SLC12A2: variants seen among roughly 807,000 people sequenced by gnomAD.
SLC12A2 encodes solute carrier family 12 member 2.
In SLC12A2, 67 loss-of-function variants were observed where a neutral mutation model predicts 136.3. That is an observed-to-expected ratio of 0.49 (90% CI 0.40 to 0.60). SLC12A2 has a LOEUF of 0.60. SLC12A2 is among the 20% of genes least tolerant of loss of function. SLC12A2 has a pLI of 0.00. For missense variants in SLC12A2, 1,322 were observed against 1,534.7 expected, an observed-to-expected ratio of 0.86 and a Z score of 2.32; for synonymous variants, 619 against 562.9, an observed-to-expected ratio of 1.10 and a Z score of -1.41.
intron 1 of SLC12A2, among the ~76,000 whole-genome samples, chr5:128,109,207 G>A (rs1174677879): frequency 1.3e-5 from 2 of 152,246 alleles, no homozygotes; most frequent in African/African-American, 4.8e-5. Flanking sequence ...ACTTAATTAA[G>A]TTCATCATTG....
rs748694506 is a variant in SLC12A2 at position 128,171,709 on chromosome 5, A to G, written c.2766A>G (p.Leu922=). 7.5e-6 allele frequency: 12 copies of G among 1,590,126 alleles called. No individual in the cohort carries two copies. Among genetic ancestry groups the G allele is most frequent in the African/African-American group, 6.9e-5 (5 of 72,928 alleles). The change falls in exon 19 of 27, where the codon CTA becomes CTG. Residue 922 remains leucine, a synonymous_variant. Coordinates refer to ENST00000262461, the MANE Select transcript of SLC12A2 (RefSeq NM_001046.3). ...DIQYGVVVIR[L]KEGLDISHLQ... ...AATATGGAGTAGTGGTTATTCGCCT[A>G]AAAGAAGGTCTGGATATATCTCATC...
intron 4 of SLC12A2, among the ~76,000 whole-genome samples, chr5:128,127,286 T>C (rs1761848838): frequency 6.6e-6 from 1 of 151,622 alleles, no homozygotes; most frequent in Non-Finnish European, 1.5e-5. Flanking sequence ...CACGCCCAGC[T>C]AATTTTTTGT....
intron 12 of SLC12A2, among the ~76,000 whole-genome samples, chr5:128,149,420 T>G (rs1282739756): frequency 1.3e-5 from 2 of 151,794 alleles, no homozygotes; most frequent in African/African-American, 4.8e-5. Flanking sequence ...CGTAAACTTT[T>G]CTGTGATCAA....
intron 18 of SLC12A2, chr5:128,169,667 G>A (rs1763308660): frequency 6.6e-6 from 1 of 152,120 alleles, no homozygotes; most frequent in Non-Finnish European, 1.5e-5. Flanking sequence ...ATTAGGGACA[G>A]AAAGATTAAT....
rs773601063 is a variant in SLC12A2 at position 128,167,784 on chromosome 5, G to A, written c.2640G>A (p.Lys880=). The A allele has an allele frequency of 1.9e-6, 3 of 1,609,412 alleles. No individual in the cohort carries two copies. The South Asian group carries it at 3.3e-5, about 18-fold the overall frequency. Residue 880 remains lysine, a synonymous_variant, in exon 18 of 27, where the codon AAG becomes AAA. Coordinates refer to ENST00000262461, the MANE Select transcript of SLC12A2 (RefSeq NM_001046.3). The stretch of plus-strand genomic sequence containing the variant: ...AGGCTGCTGGTCTTGGTCGTATGAA[G>A]CCAAACACACTTGTCCTTGGATTTA... ...LMQAAGLGRM[K]PNTLVLGFKK... is the part of the protein sequence containing the mutation.
Position 128,084,112 on chromosome 5 carries a change from G to T in SLC12A2, c.158G>T (p.Gly53Val), listed in dbSNP as rs754652461. The T allele has an allele frequency of 2.3e-6, 3 of 1,308,716 alleles. No individual in the cohort carries two copies. The highest frequency in any genetic ancestry group is 2.9e-6 in the Non-Finnish European group (3 of 1,033,290). The allele number at this position is 1,308,716 out of a possible 1,614,324, so 81.1% of individuals were successfully genotyped here. ...GATGCTGCGCCCGCGAGCCGGGACG[G>T]CGGCGGGGTCCGCGATGAGGGCCCC... ...PEDAAPASRD[G>V]GGVRDEGPAA... Residue 53 changes from glycine (G) to valine (V), a missense_variant, in exon 1 of 27, where the codon GGC (glycine) becomes GTC (valine). By Grantham distance (109) the Gly-to-Val change is moderately radical (BLOSUM62 -3). This residue lies in a region of SLC12A2 where 358 missense variants were observed against 299.7 expected (regional missense o/e 1.19). Transcript: ENST00000262461. The surrounding 1 kb of genome is among the most constrained non-coding windows in gnomAD (Gnocchi z 5.6).
At chr5:128,090,696 T>G (rs143336481) in intron 1 of SLC12A2, among the ~76,000 whole-genome samples, 41 of 152,254 alleles carry the variant, frequency 2.7e-4, no homozygotes, top group Non-Finnish European at 4.9e-4. Context: ...ACCTCTGATA[T>G]GTGAGCAGGC....
Position 128,084,098 on chromosome 5 carries a change from C to A in SLC12A2, c.144C>A (p.Pro48=). 1 of 1,314,386 alleles carries A rather than the reference C, an allele frequency of 7.6e-7. No homozygotes were observed. Among genetic ancestry groups the A allele is most frequent in the Admixed American group, 3.6e-5 (1 of 27,626 alleles). 81.4% of individuals were successfully genotyped at this position (1,314,386 alleles called of 1,614,324 possible). The change falls in exon 1 of 27, where the codon CCC becomes CCA. Residue 48 remains proline (P), a synonymous_variant. Transcript: ENST00000262461. The surrounding 1 kb of genome is among the most constrained non-coding windows in gnomAD (Gnocchi z 5.6). The part of the protein sequence containing the change: ...AVPSVPEDAA[P]ASRDGGGVRD... ...CCTCGGTGCCGGAGGATGCTGCGCC[C>A]GCGAGCCGGGACGGCGGCGGGGTCC...
intron 26 of SLC12A2, 112 bp from the exon 27 acceptor site, chr5:128,186,384 A>G (rs1763868600): frequency 7.9e-6 from 8 of 1,009,692 alleles, no homozygotes; most frequent in Non-Finnish European, 1.0e-5. Context: ...CTGTAATTAT[A>G]GTAATTTACA....
At chr5:128,134,515 T>A (rs976955719) in intron 6 of SLC12A2, among the ~76,000 whole-genome samples, 1 of 152,052 alleles carries the variant, frequency 6.6e-6, no homozygotes, top group African/African-American at 2.4e-5. Context: ...TTTCCCGCCT[T>A]CTCGCCCATC....
chr5:128,162,801 A>G (rs1254650072), intron 17 of SLC12A2, among the ~76,000 whole-genome samples: 1 of 152,222 alleles, frequency 6.6e-6, no homozygotes, highest in Non-Finnish European at 1.5e-5. Flanking sequence ...GACTGACCCA[A>G]AATTAAGTCT....
intron 17 of SLC12A2, among the ~76,000 whole-genome samples, chr5:128,166,432 G>A (rs189046882): frequency 1.4e-4 from 21 of 151,802 alleles, no homozygotes; most frequent in African/African-American, 4.3e-4. Flanking sequence ...AAACAAAAGC[G>A]TCTCCCAACA....
At chr5:128,097,027 A>T (rs1335856601) in intron 1 of SLC12A2, among the ~76,000 whole-genome samples, 1 of 152,084 alleles carries the variant, frequency 6.6e-6, no homozygotes, top group East Asian at 1.9e-4. Context: ...AAATCTCAAT[A>T]CAAAAAAAGA....
At chr5:128,110,791 A>G (rs973021457) in intron 1 of SLC12A2, 1 of 1,478,256 alleles carries the variant, frequency 6.8e-7, no homozygotes, top group Non-Finnish European at 9.4e-7. Context: ...GGCCAAAAAG[A>G]TAGCAAAAGC....
intron 18 of SLC12A2, chr5:128,169,561 G>C (rs1763305142): frequency 6.6e-6 from 1 of 152,024 alleles, no homozygotes; most frequent in South Asian, 2.1e-4. Context: ...CTGATGTGTT[G>C]TATGTTGTTA....
In SLC12A2 at chr5:128,112,867, T is replaced by C; in HGVS notation, c.810T>C (p.Asp270=). The C allele has an allele frequency of 6.2e-7, 1 of 1,612,740 alleles. No individual in the cohort carries two copies. The highest frequency in any genetic ancestry group is 2.2e-5 in the East Asian group (1 of 44,830). ...ANGEESTPTR[D]AVVTYTAESK... ...GGGAAGAAAGTACTCCAACCAGAGATGCTGTGGTCACGTATACTGCAGAAA... is the reference window on the plus strand; with the variant it reads ...GGGAAGAAAGTACTCCAACCAGAGACGCTGTGGTCACGTATACTGCAGAAA... Residue 270 remains aspartate (D), a synonymous_variant, in exon 2 of 27, where the codon GAT becomes GAC. Transcript: ENST00000262461.
intron 4 of SLC12A2, among the ~76,000 whole-genome samples, chr5:128,125,300 G>T (rs1018611200): frequency 6.6e-6 from 1 of 152,194 alleles, no homozygotes; most frequent in Non-Finnish European, 1.5e-5. Flanking sequence ...TGTGAAATGA[G>T]AAGTTTAGTA....
chr5:128,132,952 A>C (rs940404150), intron 5 of SLC12A2, among the ~76,000 whole-genome samples: 2 of 152,180 alleles, frequency 1.3e-5, no homozygotes, highest in African/African-American at 4.8e-5. Context: ...TGAAATTTCA[A>C]ACATTTTAAA....
At chr5:128,183,931 A>T (rs1763786861) in intron 24 of SLC12A2, among the ~76,000 whole-genome samples, 1 of 152,090 alleles carries the variant, frequency 6.6e-6, no homozygotes, top group Admixed American at 6.6e-5. Context: ...GAGATTCCTT[A>T]TCCCAAATGC....
Sources: gnomAD v4.1 joint callset for allele counts (sites outside exome capture counted in the v4.1 genomes callset) on GRCh38, gnomAD v4.1.1 for gene constraint, gnomAD v4.1.1 regional missense constraint, Gnocchi (gnomAD v3.1) non-coding constraint, MANE v1.5 for transcripts, NCBI Gene and HGNC (gene_info 2026-07-23, HGNC 2026-07-21) for gene names.